The following MANEA variants were observed in gnomAD, a reference collection of about 807,000 sequenced individuals.
The protein encoded by MANEA is glycoprotein endo-alpha-1,2-mannosidase.
Under a neutral mutation model 36.8 loss-of-function variants are expected in MANEA, and 25 were observed. That is an observed-to-expected ratio of 0.68 (90% CI 0.50 to 0.95). The LOEUF is 0.95. Ranked by LOEUF, MANEA falls within the 40% of genes least tolerant of loss-of-function variation. The probability of loss-of-function intolerance (pLI) is 0.00; values close to 1 mark genes in which losing one functional copy is unlikely to be tolerated. For missense variants in MANEA, 565 were observed against 558.8 expected (o/e 1.01, Z -0.11); for synonymous variants, 198 against 188.5 (o/e 1.05, Z -0.41).
At position 95,604,905 on chromosome 6, in the gene MANEA, T is replaced by A; in HGVS notation, c.731+2T>A. The A allele has an allele frequency of 8.2e-7, 1 of 1,225,216 alleles. No homozygotes were observed. The highest frequency in any genetic ancestry group is 1.7e-5 in the South Asian group (1 of 59,838). 75.9% of individuals were successfully genotyped at this position (1,225,216 alleles called of 1,614,324 possible). On this transcript the variant is annotated splice_donor_variant, in intron 4 of 4. Coordinates refer to ENST00000358812, the MANE Select transcript of MANEA (RefSeq NM_024641.4). LOFTEE classifies it high-confidence loss of function. The stretch of plus-strand genomic sequence containing the variant: ...AAATGTCAAGTATATTATAGACAAG[T>A]GAGTTTCTTCAATATTTATAAATAT...
rs1457924519 is a variant in MANEA, at chr6:95,606,871, C to A, written c.*466C>A. On this transcript the variant is annotated 3_prime_UTR_variant, in exon 5 of 5. Transcript: ENST00000358812. ...CATGTCTTTAAAATAATTTAATCAA[C>A]TTTATTGTCTTAGTATTTAGACTCT... 1 of 152,122 alleles carries A rather than the reference C, an allele frequency of 6.6e-6. No homozygotes were observed. Among genetic ancestry groups the A allele is most frequent in the Non-Finnish European group, 1.5e-5 (1 of 68,062 alleles). The allele number at this position is 152,122 out of a possible 1,614,324, so 9.4% of individuals were successfully genotyped here.
At chr6:95,590,668 G>A (rs1184164856) in intron 2 of MANEA, among the ~76,000 whole-genome samples, 3 of 152,128 alleles carry the variant, frequency 2.0e-5, no homozygotes, top group East Asian at 1.9e-4. Flanking sequence ...TAACTGTAGA[G>A]TGGTGATATT....
chr6:95,608,972 G>T lies in MANEA; in HGVS notation c.*2567G>T, dbSNP rs572286663. 2 of 151,792 alleles carry T rather than the reference G, an allele frequency of 1.3e-5. No individual in the cohort carries two copies. Among genetic ancestry groups the T allele is most frequent in the Non-Finnish European group, 3.0e-5 (2 of 67,766 alleles). 9.4% of individuals were successfully genotyped at this position (151,792 alleles called of 1,614,324 possible). On this transcript the variant is annotated 3_prime_UTR_variant, in exon 5 of 5. Coordinates refer to ENST00000358812, the MANE Select transcript of MANEA (RefSeq NM_024641.4). ...TGGATGTAGAACCTACAGATAAGGT[G>T]AGCCAACTGCATTAGGAAATAACTC...
chr6:95,587,967 CT>C (rs1394825423), intron 2 of MANEA, among the ~76,000 whole-genome samples: 1 of 151,422 alleles, frequency 6.6e-6, no homozygotes, highest in Non-Finnish European at 1.5e-5. Context: ...ATAACTGTAC[CT>C]TTTTACAATA....
At position 95,607,337 on chromosome 6, in the gene MANEA, C is replaced by A. The variant is rs1769737099; in HGVS notation, c.*932C>A. The A allele has an allele frequency of 1.3e-5, 2 of 152,032 alleles. No homozygotes were observed. Among genetic ancestry groups the A allele is most frequent in the Admixed American group, 1.3e-4 (2 of 15,264 alleles). 9.4% of individuals were successfully genotyped at this position (152,032 alleles called of 1,614,324 possible). A position where few individuals can be genotyped will look rare whatever the true frequency, so the allele number is the denominator to read the frequency against. On this transcript the variant is annotated 3_prime_UTR_variant, in exon 5 of 5. Transcript: ENST00000358812. Reference sequence around the variant, plus strand: ...TATTGTGTTATTCATGTCTTTAAATCAGATACCAAATATTTTTTAGGAAAG... The same window carrying A: ...TATTGTGTTATTCATGTCTTTAAATAAGATACCAAATATTTTTTAGGAAAG...
chr6:95,578,645 C>G (rs905663815), intron 1 of MANEA, among the ~76,000 whole-genome samples: 5 of 151,908 alleles, frequency 3.3e-5, no homozygotes, highest in Non-Finnish European at 5.9e-5. Flanking sequence ...AAAACACCCC[C>G]CAAAACAAAA....
chr6:95,580,129 C>T (rs1033205599), intron 1 of MANEA, among the ~76,000 whole-genome samples: 3 of 151,772 alleles, frequency 2.0e-5, no homozygotes, highest in Admixed American at 6.6e-5. Flanking sequence ...TGGATCTTTA[C>T]GATTCTTTAT....
rs779878879 is a variant in MANEA at position 95,606,093 on chromosome 6, A to G, written c.1077A>G (p.Gly359=). The change falls in exon 5 of 5, where the codon GGA becomes GGG. Residue 359 remains glycine (G), a synonymous_variant. Transcript: ENST00000358812. ...NLIFIPSVGP[G]YIDTSIRPWN... ...TATTTATCCCAAGTGTGGGCCCAGG[A>G]TACATAGATACCAGCATCCGTCCAT... 6.2e-7 allele frequency: 1 copy of G among 1,614,030 alleles called. No homozygotes were observed. The highest frequency in any genetic ancestry group is 1.1e-5 in the South Asian group (1 of 91,078).
At chr6:95,596,418 C>A (rs141815556) in intron 2 of MANEA, among the ~76,000 whole-genome samples, 3 of 152,052 alleles carry the variant, frequency 2.0e-5, no homozygotes, top group African/African-American at 2.4e-5. Context: ...TAGGAGAAAC[C>A]GTGTGGAGGG....
At chr6:95,595,493 T>C (rs1165006942) in intron 2 of MANEA, among the ~76,000 whole-genome samples, 1 of 152,206 alleles carries the variant, frequency 6.6e-6, no homozygotes, top group Non-Finnish European at 1.5e-5. Context: ...TTTGATTTTG[T>C]TGTCCTAGAT....
chr6:95,586,636 G>T lies in MANEA; in HGVS notation c.197G>T (p.Arg66Ile). The change falls in exon 2 of 5, where the codon AGA (arginine) becomes ATA (isoleucine). Residue 66 changes from arginine (R) to isoleucine (I), a missense_variant. Coordinates refer to ENST00000358812, the MANE Select transcript of MANEA (RefSeq NM_024641.4). ...AATTTTGATTTCCAAAAGAGTGACA[G>T]AATCAACAGTGAAACAAATACCAAG... The part of the protein sequence containing the change: ...GKNFDFQKSD[R>I]INSETNTKNL... 5 of 1,613,940 alleles carry T rather than the reference G, an allele frequency of 3.1e-6. No individual in the cohort carries two copies. Among genetic ancestry groups the T allele is most frequent in the Non-Finnish European group, 3.4e-6 (4 of 1,179,954 alleles).
chr6:95,596,739 G>T lies in MANEA; in HGVS notation c.547G>T (p.Val183Leu), dbSNP rs1769489412. 3 of 1,553,146 alleles carry T rather than the reference G, an allele frequency of 1.9e-6. 1 individual carries two copies. In the South Asian group the frequency reaches 3.3e-5, roughly 17 times the overall value. Residue 183 changes from valine to leucine, a missense_variant and splice_region_variant, in exon 3 of 5, where the codon GTA (valine) becomes TTA (leucine). Val to Leu is a conservative substitution (Grantham distance 32). Coordinates refer to ENST00000358812, the MANE Select transcript of MANEA (RefSeq NM_024641.4). The part of the protein sequence containing the change: ...MRQMRSASIG[V>L]LALSWYPPDV... The stretch of plus-strand genomic sequence containing the variant: ...TTCTTTTTGGTCTTTTCTATTAGGT[G>T]TACTAGCCCTCTCTTGGTACCCACC...
In MANEA at chr6:95,606,048, T is replaced by C. The variant is rs767853434; in HGVS notation, c.1032T>C (p.Phe344=). The stretch of plus-strand genomic sequence containing the variant: ...AGAATTGGGCTAGCCTAAAATTATT[T>C]TGTGATAAATACAACTTAATATTTA... ...SHQNWASLKL[F]CDKYNLIFIP... is the part of the protein sequence containing the mutation. The change falls in exon 5 of 5, where the codon TTT becomes TTC. Residue 344 remains phenylalanine, a synonymous_variant. Transcript: ENST00000358812. The C allele has an allele frequency of 6.2e-7, 1 of 1,614,110 alleles. No homozygotes were observed. The highest frequency in any genetic ancestry group is 1.1e-5 in the South Asian group (1 of 91,084).
At position 95,606,159 on chromosome 6, in the gene MANEA, T is replaced by C. The variant is rs1318643831; in HGVS notation, c.1143T>C (p.Tyr381=). ...CTCGGAACCGAATCAATGGGAAGTATTATGAAATTGGTCTGAGTGCCGCAC... is the reference window on the plus strand; with the variant it reads ...CTCGGAACCGAATCAATGGGAAGTACTATGAAATTGGTCTGAGTGCCGCAC... ...QNTRNRINGK[Y]YEIGLSAALQ... The change falls in exon 5 of 5, where the codon TAT becomes TAC. Residue 381 remains tyrosine (Y), a synonymous_variant. Transcript: ENST00000358812. 1 of 1,614,064 alleles carries C rather than the reference T, an allele frequency of 6.2e-7. No individual in the cohort carries two copies. The highest frequency in any genetic ancestry group is 2.2e-5 in the East Asian group (1 of 44,872).
intron 1 of MANEA, among the ~76,000 whole-genome samples, chr6:95,578,087 G>C (rs903964650): frequency 2.0e-5 from 3 of 152,276 alleles, no homozygotes; most frequent in Admixed American, 2.0e-4. Flanking sequence ...GAAGGATCGA[G>C]GCCTGCTGGG....
chr6:95,607,289 C>T lies in MANEA; in HGVS notation c.*884C>T, dbSNP rs1582233503. The T allele has an allele frequency of 1.3e-5, 2 of 152,156 alleles. No homozygotes were observed. Among genetic ancestry groups the T allele is most frequent in the Admixed American group, 6.5e-5 (1 of 15,270 alleles). The allele number at this position is 152,156 out of a possible 1,614,324, so 9.4% of individuals were successfully genotyped here. On this transcript the variant is annotated 3_prime_UTR_variant, in exon 5 of 5. Coordinates refer to ENST00000358812, the MANE Select transcript of MANEA (RefSeq NM_024641.4). ...TGCCCAAATATCATTTTTAGTATAT[C>T]TTGTCGATCTTTAAGTTGTTACTAT... is the stretch of plus-strand genomic sequence containing the variant.
In MANEA at chr6:95,584,217, C is replaced by T. The variant is rs141780366; in HGVS notation, c.-38-2185C>T. Among the ~76,000 whole-genome samples the T allele has an allele frequency of 5.6e-3, 846 of 152,150 alleles. 1 individual carries two copies. Among genetic ancestry groups the T allele is most frequent in the Non-Finnish European group, 9.5e-3 (643 of 68,014 alleles). ...ACCTTGAAAAAGAACAGAGTAACAGCGATTTTTAAGACAGCGATAAAGTCT... is the reference window on the plus strand; with the variant it reads ...ACCTTGAAAAAGAACAGAGTAACAGTGATTTTTAAGACAGCGATAAAGTCT... On this transcript the variant is annotated intron_variant, in intron 1 of 4. Coordinates refer to ENST00000358812, the MANE Select transcript of MANEA (RefSeq NM_024641.4).
chr6:95,581,395 CAA>C (rs1296201376), intron 1 of MANEA, among the ~76,000 whole-genome samples: 1 of 151,350 alleles, frequency 6.6e-6, no homozygotes, highest in Non-Finnish European at 1.5e-5. Flanking sequence ...CATTCATAGG[CAA>C]GAGAGAGAGA....
intron 2 of MANEA, among the ~76,000 whole-genome samples, chr6:95,594,858 C>A (rs889227939): frequency 4.6e-5 from 7 of 152,148 alleles, no homozygotes; most frequent in African/African-American, 7.2e-5. Flanking sequence ...TTGGGGCAAA[C>A]AGACCTCCTT....
Sources: allele counts gnomAD v4.1 joint callset (sites outside exome capture counted in the v4.1 genomes callset), GRCh38; gene constraint gnomAD v4.1.1; transcripts MANE v1.5; gene names NCBI Gene and HGNC (gene_info 2026-07-23, HGNC 2026-07-21).